MAN1C1: variants seen among roughly 807,000 people sequenced by gnomAD.
MAN1C1 encodes mannosyl-oligosaccharide 1,2-alpha-mannosidase IC.
In MAN1C1, 49 loss-of-function variants were observed where a neutral mutation model predicts 71.5. The observed-to-expected ratio is 0.69, with a 90% CI of 0.54 to 0.87. MAN1C1 has a LOEUF of 0.87. Among genes scored for constraint, MAN1C1 ranks in the 40% least tolerant of loss-of-function variants. MAN1C1 has a pLI of 0.00. For synonymous variants in MAN1C1, 352 were observed against 343.7 expected (o/e 1.02, Z -0.27); for missense variants, 743 against 835.0 (o/e 0.89, Z 1.36).
At chr1:25,667,484 CAAAAAAAAAA>C (rs756375842) in intron 1 of MAN1C1, among the ~76,000 whole-genome samples, 5 of 49,306 alleles carry the variant, frequency 1.0e-4, no homozygotes, top group Non-Finnish European at 1.4e-4. Context: ...GACTCCATCT[CAAAAAAAAAA>C]AAAAAAAAAA....
At chr1:25,761,843 G>A (rs559425509) in intron 6 of MAN1C1, among the ~76,000 whole-genome samples, 174 of 151,806 alleles carry the variant, frequency 1.1e-3, no homozygotes, top group African/African-American at 4.0e-3. Context: ...GGCTGGTCTC[G>A]AACTCCTGAC....
In MAN1C1 at chr1:25,773,224, A is replaced by G. The variant is rs1057097196; in HGVS notation, c.1257+1452A>G. ...TGGGTGCATGAATGCTGAAAGGATG[A>G]ATGGAGGGAAGGATGGATGGAGGGA... On this transcript the variant is annotated intron_variant, in intron 8 of 11. Transcript: ENST00000374332. 2.6e-5 allele frequency among the ~76,000 whole-genome samples: 4 copies of G among 151,212 alleles called. No homozygotes were observed. The East Asian group carries it at 7.9e-4, about 30-fold the overall frequency.
At chr1:25,781,534 C>T (rs375773225) in intron 10 of MAN1C1, among the ~76,000 whole-genome samples, 12 of 152,320 alleles carry the variant, frequency 7.9e-5, no homozygotes, top group African/African-American at 2.2e-4. Flanking sequence ...GAGGGACCCC[C>T]CCACCCTAGT....
chr1:25,697,217 AC>A (rs1469823551), intron 2 of MAN1C1, among the ~76,000 whole-genome samples: 1 of 152,178 alleles, frequency 6.6e-6, no homozygotes, highest in African/African-American at 2.4e-5. Flanking sequence ...GCCCTAGGCA[AC>A]CACTAATCTA....
chr1:25,664,581 T>C (rs1467426410), intron 1 of MAN1C1, among the ~76,000 whole-genome samples: 1 of 152,190 alleles, frequency 6.6e-6, no homozygotes, highest in Admixed American at 6.5e-5. Context: ...CGGCAGCCAA[T>C]GGTGGACAGA....
At chr1:25,625,316 T>G (rs906194933) in intron 1 of MAN1C1, among the ~76,000 whole-genome samples, 1 of 152,148 alleles carries the variant, frequency 6.6e-6, no homozygotes, top group African/African-American at 2.4e-5. Flanking sequence ...GCACAGATCT[T>G]AAATATACAG....
rs376688577 is a variant in MAN1C1, at chr1:25,712,632, A to G, written c.637+26096A>G. On this transcript the variant is annotated intron_variant, in intron 2 of 11. Coordinates refer to ENST00000374332, the MANE Select transcript of MAN1C1 (RefSeq NM_020379.4). Reference sequence around the variant, plus strand: ...TCCTTGAGCAGTAAATGCCACCTACAATCCAAGGCATGGAGGACAGCCATT... The same window carrying G: ...TCCTTGAGCAGTAAATGCCACCTACGATCCAAGGCATGGAGGACAGCCATT... Among the ~76,000 whole-genome samples the G allele has an allele frequency of 4.6e-5, 7 of 152,324 alleles. No individual in the cohort carries two copies. The South Asian group carries it at 1.4e-3, about 32-fold the overall frequency.
chr1:25,635,696 A>G (rs2045449749), intron 1 of MAN1C1, among the ~76,000 whole-genome samples: 1 of 151,942 alleles, frequency 6.6e-6, no homozygotes, highest in African/African-American at 2.4e-5. Flanking sequence ...TGATCCACCC[A>G]CCTCGGCCTC....
At position 25,631,380 on chromosome 1, in the gene MAN1C1, G is replaced by A. The variant is rs2045378718; in HGVS notation, c.540+13043G>A. Reference sequence around the variant, plus strand: ...TCGGTATGATGTTGGTTATGGGTTTGTCATATATGGCTTTTATTATTTTGA... The same window carrying A: ...TCGGTATGATGTTGGTTATGGGTTTATCATATATGGCTTTTATTATTTTGA... On this transcript the variant is annotated intron_variant, in intron 1 of 11. Coordinates refer to ENST00000374332, the MANE Select transcript of MAN1C1 (RefSeq NM_020379.4). The surrounding 1 kb of genome is among the most constrained non-coding windows in gnomAD (Gnocchi z 4.2). 6.6e-6 allele frequency among the ~76,000 whole-genome samples: 1 copy of A among 152,188 alleles called. No homozygotes were observed. The highest frequency in any genetic ancestry group is 1.5e-5 in the Non-Finnish European group (1 of 68,028).
At chr1:25,699,762 T>C (rs914170190) in intron 2 of MAN1C1, among the ~76,000 whole-genome samples, 2 of 152,164 alleles carry the variant, frequency 1.3e-5, no homozygotes, top group African/African-American at 4.8e-5. Flanking sequence ...GGGTCAGCCC[T>C]GGAGACAGAG....
chr1:25,705,330 T>G (rs1288539177), intron 2 of MAN1C1, among the ~76,000 whole-genome samples: 2 of 152,262 alleles, frequency 1.3e-5, no homozygotes, highest in South Asian at 2.1e-4. Flanking sequence ...AAATGCCGTC[T>G]TGTGACCTGC....
chr1:25,679,713 A>G (rs1212399295), intron 1 of MAN1C1, among the ~76,000 whole-genome samples: 1 of 151,894 alleles, frequency 6.6e-6, no homozygotes, highest in Non-Finnish European at 1.5e-5. Flanking sequence ...CTTTACATAT[A>G]TATCATATAT....
At chr1:25,761,856 C>T (rs112805683) in intron 6 of MAN1C1, among the ~76,000 whole-genome samples, 4,757 of 152,104 alleles carry the variant, frequency 0.031, 242 homozygotes, top group African/African-American at 0.11. Context: ...CTCCTGACCT[C>T]AGGTGATCTG....
intron 10 of MAN1C1, 47 bp downstream of exon 10, chr1:25,781,159 G>A (rs1447183416): frequency 1.9e-6 from 3 of 1,595,964 alleles, no homozygotes; most frequent in Non-Finnish European, 2.6e-6. Flanking sequence ...ATGCCCCTGA[G>A]AATTTACAGG....
intron 1 of MAN1C1, among the ~76,000 whole-genome samples, chr1:25,649,702 A>G (rs2045664957): frequency 6.6e-6 from 1 of 152,118 alleles, no homozygotes; most frequent in Non-Finnish European, 1.5e-5. Context: ...CAGTGGCGCA[A>G]TCTCAGTTCC....
chr1:25,692,172 C>T (rs935535894), intron 2 of MAN1C1, among the ~76,000 whole-genome samples: 2 of 152,126 alleles, frequency 1.3e-5, no homozygotes, highest in Non-Finnish European at 2.9e-5. Context: ...GCGCTCTTTG[C>T]GCCGCACACT....
Position 25,679,950 on chromosome 1 carries a change from A to T in MAN1C1, c.541-6490A>T, listed in dbSNP as rs1347148908. 6.2e-4 allele frequency among the ~76,000 whole-genome samples: 73 copies of T among 117,216 alleles called. 1 individual carries two copies. The highest frequency in any genetic ancestry group is 2.5e-3 in the South Asian group (10 of 3,934). 76.9% of individuals were successfully genotyped at this position (117,216 alleles called of 152,430 possible). A position where few individuals can be genotyped will look rare whatever the true frequency, so the allele number is the denominator to read the frequency against. On this transcript the variant is annotated intron_variant, in intron 1 of 11. Transcript: ENST00000374332. ...AGACCTCTGTCTCAAAAAAAAAAAAAATATATATATATATATATATATATA... is the reference window on the plus strand; with the variant it reads ...AGACCTCTGTCTCAAAAAAAAAAAATATATATATATATATATATATATATA...
chr1:25,628,178 C>A (rs1218422924), intron 1 of MAN1C1, among the ~76,000 whole-genome samples: 2 of 152,044 alleles, frequency 1.3e-5, no homozygotes, highest in African/African-American at 4.8e-5. Flanking sequence ...TTTCTCTCAA[C>A]AGTGTTTTGA....
At chr1:25,693,070 C>T (rs1337034609) in intron 2 of MAN1C1, among the ~76,000 whole-genome samples, 1 of 152,100 alleles carries the variant, frequency 6.6e-6, no homozygotes, top group African/African-American at 2.4e-5. Context: ...TGCTTATTAG[C>T]CTACTGTTGA....
Sources: gnomAD v4.1 joint callset for allele counts (sites outside exome capture counted in the v4.1 genomes callset) on GRCh38, gnomAD v4.1.1 for gene constraint, Gnocchi (gnomAD v3.1) non-coding constraint, MANE v1.5 for transcripts, NCBI Gene and HGNC (gene_info 2026-07-23, HGNC 2026-07-21) for gene names.